The following SHROOM3 variants were observed in gnomAD, a reference collection of about 807,000 sequenced individuals.
SHROOM3 encodes protein Shroom3.
In SHROOM3, 47 loss-of-function variants were observed where a neutral mutation model predicts 138.6. That is an observed-to-expected ratio of 0.34 (90% CI 0.27 to 0.43). The LOEUF is 0.43. SHROOM3 is among the 20% of genes least tolerant of loss of function. SHROOM3 has a pLI of 1.00. For synonymous variants in SHROOM3, 1,062 were observed against 1,063.3 expected (o/e 1.00, Z 0.02); for missense variants, 2,491 against 2,596.5 (o/e 0.96, Z 0.88).
chr4:76,713,632 T>C (rs1216488121), intron 3 of SHROOM3, among the ~76,000 whole-genome samples: 1 of 152,210 alleles, frequency 6.6e-6, no homozygotes, highest in East Asian at 1.9e-4. Context: ...CATAAGCCAG[T>C]AACACACATT....
chr4:76,754,913 G>A lies in SHROOM3; in HGVS notation c.4430G>A (p.Gly1477Glu). ...CSTSDPDTPL[G>E]APSTPGRISL... ...ACTTCTGACCCAGACACACCTCTTG[G>A]GGCCCCGAGCACTCCAGGGAGGATC... is the stretch of plus-strand genomic sequence containing the variant. The change falls in exon 7 of 11, where the codon GGG (glycine) becomes GAG (glutamate). Residue 1477 changes from glycine (G) to glutamate (E), a missense_variant. This residue lies in a region of SHROOM3 where 1,733 missense variants were observed against 1,661.6 expected (regional missense o/e 1.04). Transcript: ENST00000296043. The A allele has an allele frequency of 1.2e-6, 2 of 1,614,126 alleles. No homozygotes were observed. Among genetic ancestry groups the A allele is most frequent in the African/African-American group, 1.3e-5 (1 of 75,020 alleles).
intron 1 of SHROOM3, among the ~76,000 whole-genome samples, chr4:76,445,836 A>G (rs1730793951): frequency 6.6e-6 from 1 of 152,172 alleles, no homozygotes; most frequent in Non-Finnish European, 1.5e-5. Context: ...CCTCCCTCTC[A>G]TGTACATTTC....
At chr4:76,597,460 T>C (rs1734415068) in intron 2 of SHROOM3, among the ~76,000 whole-genome samples, 1 of 152,216 alleles carries the variant, frequency 6.6e-6, no homozygotes, top group Non-Finnish European at 1.5e-5. Flanking sequence ...CTTTTTTTAA[T>C]GTTTATTTTT....
At chr4:76,498,645 AT>A (rs1167777970) in intron 1 of SHROOM3, among the ~76,000 whole-genome samples, 3 of 152,060 alleles carry the variant, frequency 2.0e-5, no homozygotes, top group African/African-American at 7.2e-5. Flanking sequence ...CCCAAAGGCA[AT>A]GGAAAGGCTA....
At chr4:76,719,214 G>A (rs1026839199) in intron 3 of SHROOM3, among the ~76,000 whole-genome samples, 7 of 152,186 alleles carry the variant, frequency 4.6e-5, no homozygotes, top group Non-Finnish European at 8.8e-5. Flanking sequence ...GGGGGTGTTT[G>A]CATGTGCCTG....
At chr4:76,657,165 G>A (rs928843559) in intron 2 of SHROOM3, among the ~76,000 whole-genome samples, 2 of 151,356 alleles carry the variant, frequency 1.3e-5, no homozygotes, top group African/African-American at 4.9e-5. Context: ...CAACAAGAGC[G>A]AAACTCTCTC....
chr4:76,528,305 A>G (rs960825963), intron 1 of SHROOM3, among the ~76,000 whole-genome samples: 1 of 150,380 alleles, frequency 6.6e-6, no homozygotes, highest in African/African-American at 2.4e-5. Flanking sequence ...AACTCAGTCA[A>G]CTTAGTCTTT....
chr4:76,441,155 C>T (rs567561812), intron 1 of SHROOM3, among the ~76,000 whole-genome samples: 9 of 133,148 alleles, frequency 6.8e-5, no homozygotes, highest in South Asian at 2.5e-4. Flanking sequence ...AGTGCAGTGG[C>T]GCGATCTCGG....
At chr4:76,650,929 A>G (rs1472997752) in intron 2 of SHROOM3, among the ~76,000 whole-genome samples, 1 of 152,240 alleles carries the variant, frequency 6.6e-6, no homozygotes, top group Non-Finnish European at 1.5e-5. Context: ...GTACTTATAC[A>G]CAATGGAGTA....
intron 2 of SHROOM3, among the ~76,000 whole-genome samples, chr4:76,601,277 G>A (rs560753437): frequency 2.0e-5 from 3 of 152,158 alleles, no homozygotes; most frequent in South Asian, 4.2e-4. Context: ...GGAGGGGGTC[G>A]TGCTACTGGC....
At chr4:76,723,050 TA>T (rs1278127312) in intron 3 of SHROOM3, among the ~76,000 whole-genome samples, 1 of 152,102 alleles carries the variant, frequency 6.6e-6, no homozygotes, top group Non-Finnish European at 1.5e-5. Context: ...ACATGTGTCA[TA>T]ACAGTTCGTT....
chr4:76,597,157 T>C (rs1444846771), intron 2 of SHROOM3, among the ~76,000 whole-genome samples: 1 of 152,192 alleles, frequency 6.6e-6, no homozygotes, highest in Non-Finnish European at 1.5e-5. Flanking sequence ...GACAAGTACA[T>C]GTTTCATAAA....
intron 1 of SHROOM3, among the ~76,000 whole-genome samples, chr4:76,517,581 C>A (rs2110008438): frequency 6.6e-6 from 1 of 151,476 alleles, no homozygotes; most frequent in East Asian, 2.0e-4. Context: ...AAAAGAATTT[C>A]TCCTGATTGA....
At chr4:76,711,754 A>G (rs13140496) in intron 3 of SHROOM3, among the ~76,000 whole-genome samples, 1 of 152,190 alleles carries the variant, frequency 6.6e-6, no homozygotes, top group Non-Finnish European at 1.5e-5. Flanking sequence ...TCAATAATAC[A>G]CAAATATACA....
Position 76,741,588 on chromosome 4 carries a change from T to G in SHROOM3, c.3415T>G (p.Leu1139Val), listed in dbSNP as rs2110135178. Residue 1139 changes from leucine (L) to valine (V), a missense_variant, in exon 5 of 11, where the codon TTG (leucine) becomes GTG (valine). Transcript: ENST00000296043. The surrounding 1 kb of genome is among the most constrained non-coding windows in gnomAD (Gnocchi z 6.2). ...EGSGLASASS[L>V]SSLREPSLQP... ...CTCCGGCCTCGCCTCGGCCTCCAGCTTGAGCTCACTGCGGGAGCCCAGCCT... is the reference window on the plus strand; with the variant it reads ...CTCCGGCCTCGCCTCGGCCTCCAGCGTGAGCTCACTGCGGGAGCCCAGCCT... 1.3e-6 allele frequency: 2 copies of G among 1,540,746 alleles called. No homozygotes were observed. Among genetic ancestry groups the G allele is most frequent in the South Asian group, 1.2e-5 (1 of 84,230 alleles).
At chr4:76,640,448 A>T (rs1159683433) in intron 2 of SHROOM3, among the ~76,000 whole-genome samples, 2 of 152,172 alleles carry the variant, frequency 1.3e-5, no homozygotes, top group Admixed American at 6.5e-5. Context: ...CAGGTGCCAA[A>T]TCCATTCTAA....
Position 76,740,417 on chromosome 4 carries a change from C to G in SHROOM3, c.2244C>G (p.Pro748=). 1.2e-6 allele frequency: 2 copies of G among 1,613,114 alleles called. No homozygotes were observed. Among genetic ancestry groups the G allele is most frequent in the African/African-American group, 1.3e-5 (1 of 75,068 alleles). ...CAAGTCCCGAAGAGCCGCCTGCCCCCTCGCACCCGCACACATCCAGTCTGG... is the reference window on the plus strand; with the variant it reads ...CAAGTCCCGAAGAGCCGCCTGCCCCGTCGCACCCGCACACATCCAGTCTGG... The part of the protein sequence containing the change: ...TDPSPEEPPA[P]SHPHTSSLGR... Residue 748 remains proline (P), a synonymous_variant, in exon 5 of 11, where the codon CCC becomes CCG. Coordinates refer to ENST00000296043, the MANE Select transcript of SHROOM3 (RefSeq NM_020859.4). The surrounding 1 kb of genome is among the most constrained non-coding windows in gnomAD (Gnocchi z 4.0).
chr4:76,488,423 T>C (rs1034082375), intron 1 of SHROOM3, among the ~76,000 whole-genome samples: 4 of 152,236 alleles, frequency 2.6e-5, no homozygotes, highest in Non-Finnish European at 4.4e-5. Context: ...TAGGAGGTTA[T>C]AAAGAGTAGA....
Position 76,562,624 on chromosome 4 carries a change from T to C in SHROOM3, c.323+6861T>C, listed in dbSNP as rs117791008. Among the ~76,000 whole-genome samples, 696 of 152,238 alleles carry C rather than the reference T, an allele frequency of 4.6e-3. 12 individuals carry two copies. The highest frequency in any genetic ancestry group is 0.013 in the East Asian group (68 of 5,178). ...GGTTACAGTTTATAAAAGAAAATAA[T>C]TTCTTGGAATATTTTCACTACCACC... is the stretch of plus-strand genomic sequence containing the variant. On this transcript the variant is annotated intron_variant, in intron 2 of 10. Transcript: ENST00000296043.
Sources: gnomAD v4.1 joint callset for allele counts (sites outside exome capture counted in the v4.1 genomes callset) on GRCh38, gnomAD v4.1.1 for gene constraint, gnomAD v4.1.1 regional missense constraint, Gnocchi (gnomAD v3.1) non-coding constraint, MANE v1.5 for transcripts, NCBI Gene and HGNC (gene_info 2026-07-23, HGNC 2026-07-21) for gene names.